The following LDLRAD4 variants were observed in gnomAD, a reference collection of about 807,000 sequenced individuals.
The protein encoded by LDLRAD4 is low density lipoprotein receptor class A domain containing 4.
In LDLRAD4, 5 loss-of-function variants were observed where a neutral mutation model predicts 17.0. That is an observed-to-expected ratio of 0.29 (90% CI 0.15 to 0.62). The LOEUF is 0.62. Ranked by LOEUF, LDLRAD4 falls within the 20% of genes least tolerant of loss-of-function variation. The pLI is 0.84. For missense variants in LDLRAD4, 340 were observed against 424.7 expected (o/e 0.80, Z 1.75); for synonymous variants, 168 against 171.8 (o/e 0.98, Z 0.17).
At chr18:13,354,783 G>A (rs1394829288) in intron 1 of LDLRAD4, among the ~76,000 whole-genome samples, 1 of 152,224 alleles carries the variant, frequency 6.6e-6, no homozygotes, top group Non-Finnish European at 1.5e-5. Context: ...TCAATGTGCA[G>A]TTTGGTCGGC....
intron 3 of LDLRAD4, among the ~76,000 whole-genome samples, chr18:13,527,069 G>A (rs2094043702): frequency 2.0e-5 from 3 of 152,376 alleles, no homozygotes; most frequent in Admixed American, 6.5e-5. Context: ...GGCAGAGAAC[G>A]TTGGGCAGTG....
intron 3 of LDLRAD4, among the ~76,000 whole-genome samples, chr18:13,519,144 G>C (rs2093915431): frequency 6.6e-6 from 1 of 152,186 alleles, no homozygotes; most frequent in Admixed American, 6.5e-5. Context: ...CTAAGTTCCT[G>C]CTTTCCTTAG....
intron 3 of LDLRAD4, among the ~76,000 whole-genome samples, chr18:13,559,347 A>T (rs1294438736): frequency 1.3e-5 from 2 of 152,316 alleles, no homozygotes; most frequent in Non-Finnish European, 2.9e-5. Context: ...TGGAAGAGGG[A>T]ACCTGCCTTG....
chr18:13,599,727 G>A (rs1302879964), intron 3 of LDLRAD4, among the ~76,000 whole-genome samples: 5 of 152,142 alleles, frequency 3.3e-5, no homozygotes, highest in South Asian at 2.1e-4. Context: ...TCCTGACCTC[G>A]TGATCCGCCT....
Position 13,300,882 on chromosome 18 carries a change from C to T in LDLRAD4, c.-383+22694C>T, listed in dbSNP as rs539320708. Among the ~76,000 whole-genome samples, 2 of 152,314 alleles carry T rather than the reference C, an allele frequency of 1.3e-5. No individual in the cohort carries two copies. The highest frequency in any genetic ancestry group is 2.1e-4 in the South Asian group (1 of 4,818). On this transcript the variant is annotated intron_variant, in intron 1 of 5. Coordinates refer to ENST00000359446, the Ensembl canonical transcript of LDLRAD4. The surrounding 1 kb of genome is among the most constrained non-coding windows in gnomAD (Gnocchi z 4.2). ...GAAGGAAGGGTGGTGAACTGGGAGCCGGCAGCGCGTCCCAGCGCTGAACCC... is the reference window on the plus strand; with the variant it reads ...GAAGGAAGGGTGGTGAACTGGGAGCTGGCAGCGCGTCCCAGCGCTGAACCC...
chr18:13,303,950 C>T (rs1324600186), intron 1 of LDLRAD4, among the ~76,000 whole-genome samples: 1 of 152,206 alleles, frequency 6.6e-6, no homozygotes, highest in Admixed American at 6.5e-5. Context: ...AAACTATGGC[C>T]TGAAGTGTTG....
chr18:13,218,302 C>T (rs1226213070), upstream of LDLRAD4, among the ~76,000 whole-genome samples: 1 of 151,994 alleles, frequency 6.6e-6, no homozygotes, highest in Non-Finnish European at 1.5e-5. Context: ...GTGGGCTTGC[C>T]GGTGGGCACG....
At chr18:13,638,847 G>A (rs2042290603) in intron 4 of LDLRAD4, among the ~76,000 whole-genome samples, 2 of 152,218 alleles carry the variant, frequency 1.3e-5, no homozygotes, top group South Asian at 2.1e-4. Context: ...AGCCCTTGGG[G>A]ACATGCAGCA....
chr18:13,562,410 A>G (rs1457541550), intron 3 of LDLRAD4, among the ~76,000 whole-genome samples: 2 of 152,226 alleles, frequency 1.3e-5, no homozygotes, highest in Non-Finnish European at 2.9e-5. Context: ...TTACTTTGAA[A>G]TTTGTTATCA....
chr18:13,563,047 A>G (rs1351642368), intron 3 of LDLRAD4: 1 of 152,182 alleles, frequency 6.6e-6, no homozygotes, highest in Non-Finnish European at 1.5e-5. Context: ...AAGAAACTTA[A>G]CCCCTCATTT....
intron 1 of LDLRAD4, among the ~76,000 whole-genome samples, chr18:13,258,376 C>G (rs1345003446): frequency 4.9e-5 from 7 of 143,344 alleles, no homozygotes; most frequent in Non-Finnish European, 1.1e-4. Context: ...TTTTTTTTTT[C>G]TTTTGTTAGC....
chr18:13,592,206 C>T (rs2095038462), intron 3 of LDLRAD4, among the ~76,000 whole-genome samples: 2 of 152,182 alleles, frequency 1.3e-5, no homozygotes, highest in Non-Finnish European at 2.9e-5. Flanking sequence ...CTTTTTCAAC[C>T]AGTGGCTTTC....
chr18:13,432,342 C>G (rs12458775), intron 2 of LDLRAD4, among the ~76,000 whole-genome samples: 1 of 152,086 alleles, frequency 6.6e-6, no homozygotes, highest in Non-Finnish European at 1.5e-5. Flanking sequence ...TTTATGGAAT[C>G]GAATATTTCA....
chr18:13,535,291 G>T (rs545461523), intron 3 of LDLRAD4, among the ~76,000 whole-genome samples: 1 of 152,294 alleles, frequency 6.6e-6, no homozygotes, highest in African/African-American at 2.4e-5. Flanking sequence ...AGCCAGCAAT[G>T]AATGGGGGTT....
At chr18:13,649,914 G>A in exon 6 of LDLRAD4, 1 of 397,246 alleles carries the variant, frequency 2.5e-6, no homozygotes, top group East Asian at 3.6e-5. Context: ...TTGGCCTACT[G>A]AGGTGAAAGG....
intron 2 of LDLRAD4, among the ~76,000 whole-genome samples, chr18:13,413,790 G>A (rs1026811774): frequency 6.6e-6 from 1 of 152,086 alleles, no homozygotes; most frequent in African/African-American, 2.4e-5. Context: ...GTTGGGCTGG[G>A]CGGGGTGGCA....
At chr18:13,288,542 G>A (rs73951950) in intron 1 of LDLRAD4, among the ~76,000 whole-genome samples, 183 of 152,314 alleles carry the variant, frequency 1.2e-3, no homozygotes, top group African/African-American at 4.3e-3. Flanking sequence ...AAAGGTGTTA[G>A]CGCAATATAG....
At chr18:13,611,406 A>G (rs944281284) in intron 3 of LDLRAD4, 12 of 969,618 alleles carry the variant, frequency 1.2e-5, no homozygotes, top group Non-Finnish European at 1.3e-5. Context: ...CACCACGGCC[A>G]CCCCGTGATT....
chr18:13,248,837 A>G (rs1401617324), intron 1 of LDLRAD4, among the ~76,000 whole-genome samples: 1 of 152,190 alleles, frequency 6.6e-6, no homozygotes, highest in African/African-American at 2.4e-5. Context: ...ACAGTGGTAT[A>G]GAACACTAGA....
Sources: allele counts gnomAD v4.1 joint callset (sites outside exome capture counted in the v4.1 genomes callset), GRCh38; gene constraint gnomAD v4.1.1; non-coding constraint Gnocchi (gnomAD v3.1); transcripts MANE v1.5; gene names NCBI Gene and HGNC (gene_info 2026-07-23, HGNC 2026-07-21).